The following PRKN variants were observed in gnomAD, a reference collection of about 807,000 sequenced individuals.
PRKN encodes E3 ubiquitin-protein ligase parkin.
In PRKN, 56 loss-of-function variants were observed where a neutral mutation model predicts 59.5. The ratio of observed to expected loss-of-function variants is 0.94; its 90% confidence interval spans 0.76 to 1.18. PRKN has a LOEUF of 1.18. PRKN is among the 50% of genes most tolerant of loss of function. The pLI, the probability that PRKN is intolerant of heterozygous loss-of-function variation, is 0.00. For synonymous variants in PRKN, 250 were observed against 222.1 expected, an observed-to-expected ratio of 1.13 and a Z score of -1.12; for missense variants, 657 against 596.4, an observed-to-expected ratio of 1.10 and a Z score of -1.06.
intron 5 of PRKN, among the ~76,000 whole-genome samples, chr6:162,014,390 A>C (rs1582896636): frequency 6.6e-6 from 1 of 152,150 alleles, no homozygotes; most frequent in East Asian, 1.9e-4. Flanking sequence ...GCCCTGGGCA[A>C]GGCCCTCTTC....
At chr6:162,282,446 A>G (rs2128106707) in intron 2 of PRKN, among the ~76,000 whole-genome samples, 1 of 152,328 alleles carries the variant, frequency 6.6e-6, no homozygotes, top group South Asian at 2.1e-4. Context: ...CTTATGATAA[A>G]CAGCTAATGA....
chr6:162,424,203 A>G lies in PRKN; in HGVS notation c.171+19107T>C, dbSNP rs566884051. 4.1e-4 allele frequency among the ~76,000 whole-genome samples: 62 copies of G among 152,350 alleles called. 2 individuals are homozygous for G. The South Asian group carries it at 0.012, about 30-fold the overall frequency. On this transcript the variant is annotated intron_variant, in intron 2 of 11. Transcript: ENST00000366898. ...CTATAGGACATCCTGGAAAAGGCAC[A>G]GCTATAAAAAGGGTAAACAGATCAG...
At chr6:161,699,621 G>C (rs1394391757) in intron 7 of PRKN, among the ~76,000 whole-genome samples, 2 of 152,106 alleles carry the variant, frequency 1.3e-5, no homozygotes, top group African/African-American at 4.8e-5. Context: ...AAGAGTACAG[G>C]TTGTATTATT....
chr6:161,746,874 A>ATCTATATCTATATATCTATGTATATG (rs1788455062), intron 7 of PRKN, among the ~76,000 whole-genome samples: 1 of 150,076 alleles, frequency 6.7e-6, no homozygotes, highest in Non-Finnish European at 1.5e-5. Flanking sequence ...CTACGTATAT[A>ATCTATATCTATATATCTATGTATATG]TCTATATCTA....
chr6:162,430,285 T>C (rs781630911), intron 2 of PRKN, among the ~76,000 whole-genome samples: 20 of 152,154 alleles, frequency 1.3e-4, no homozygotes, highest in Non-Finnish European at 2.5e-4. Flanking sequence ...TTAACCCTTG[T>C]AGCAACCCCA....
intron 7 of PRKN, among the ~76,000 whole-genome samples, chr6:161,615,041 T>C (rs1001716025): frequency 4.6e-5 from 7 of 151,966 alleles, no homozygotes; most frequent in African/African-American, 1.7e-4. Context: ...TGGAGTCTGA[T>C]AGGTCCTTTG....
At chr6:162,258,242 C>T (rs374343389) in intron 3 of PRKN, among the ~76,000 whole-genome samples, 2 of 152,200 alleles carry the variant, frequency 1.3e-5, no homozygotes, top group Non-Finnish European at 2.9e-5. Context: ...AGAATAGCTC[C>T]GTTGAGGTAG....
chr6:162,478,080 T>C (rs1792115706), intron 1 of PRKN, among the ~76,000 whole-genome samples: 1 of 152,164 alleles, frequency 6.6e-6, no homozygotes, highest in African/African-American at 2.4e-5. Context: ...TGAGATCTTC[T>C]TCCCCTAGTA....
chr6:161,664,239 A>G (rs1044540683), intron 7 of PRKN, among the ~76,000 whole-genome samples: 1 of 152,188 alleles, frequency 6.6e-6, no homozygotes, highest in Non-Finnish European at 1.5e-5. Context: ...TCAGGGAAAA[A>G]TAGAGACACA....
intron 7 of PRKN, among the ~76,000 whole-genome samples, chr6:161,601,202 T>G (rs1295434150): frequency 1.3e-5 from 2 of 152,200 alleles, no homozygotes; most frequent in Non-Finnish European, 2.9e-5. Context: ...CAAAATACCA[T>G]AAACTGGGTA....
At chr6:162,346,796 A>G (rs1164580760) in intron 2 of PRKN, among the ~76,000 whole-genome samples, 1 of 152,170 alleles carries the variant, frequency 6.6e-6, no homozygotes, top group African/African-American at 2.4e-5. Context: ...TTATGTTTAC[A>G]TAACATGACT....
intron 6 of PRKN, among the ~76,000 whole-genome samples, chr6:161,847,527 T>C (rs1030787686): frequency 1.3e-5 from 2 of 152,120 alleles, no homozygotes; most frequent in Non-Finnish European, 2.9e-5. Flanking sequence ...AATAAGAGGA[T>C]TATTGTGCAG....
chr6:161,878,339 G>C (rs944370930), intron 6 of PRKN, among the ~76,000 whole-genome samples: 1 of 151,974 alleles, frequency 6.6e-6, no homozygotes, highest in African/African-American at 2.4e-5. Context: ...ATATAACCAG[G>C]AACTGAATCA....
rs191266461 is a variant in PRKN, at chr6:162,582,723, A to G, written c.8-139250T>C. The stretch of plus-strand genomic sequence containing the variant: ...TTGAATCCCGCATAAGACCTACCAC[A>G]GTGCTAGGTACTCAGTGGGTCTCTA... On this transcript the variant is annotated intron_variant, in intron 1 of 11. Coordinates refer to ENST00000366898, the MANE Select transcript of PRKN (RefSeq NM_004562.3). Among the ~76,000 whole-genome samples the G allele has an allele frequency of 8.5e-5, 13 of 152,314 alleles. No individual in the cohort carries two copies. The East Asian group carries it at 2.3e-3, about 27-fold the overall frequency.
At chr6:162,036,029 A>G (rs1783824421) in intron 5 of PRKN, among the ~76,000 whole-genome samples, 1 of 152,186 alleles carries the variant, frequency 6.6e-6, no homozygotes, top group African/African-American at 2.4e-5. Flanking sequence ...ATAACGCCAT[A>G]AAGAAAACAA....
intron 4 of PRKN, among the ~76,000 whole-genome samples, chr6:162,074,932 AT>A (rs575118601): frequency 6.6e-6 from 1 of 152,072 alleles, no homozygotes; most frequent in African/African-American, 2.4e-5. Flanking sequence ...AACAGCAGTG[AT>A]TTTTTTTGTT....
Position 161,369,247 on chromosome 6 carries a change from A to G in PRKN, c.1168-9042T>C, listed in dbSNP as rs1432350671. ...GGTGCCCACAGGTTCAAGATCACCA[A>G]AGCGATTCTAAAAATGATCCCAAGG... On this transcript the variant is annotated intron_variant, in intron 10 of 11. Coordinates refer to ENST00000366898, the MANE Select transcript of PRKN (RefSeq NM_004562.3). The surrounding 1 kb of genome is among the most constrained non-coding windows in gnomAD (Gnocchi z 5.8). 6.6e-6 allele frequency among the ~76,000 whole-genome samples: 1 copy of G among 152,194 alleles called. No homozygotes were observed. Among genetic ancestry groups the G allele is most frequent in the Non-Finnish European group, 1.5e-5 (1 of 68,042 alleles).
At chr6:161,693,586 AT>A (rs1785893883) in intron 7 of PRKN, among the ~76,000 whole-genome samples, 1 of 152,226 alleles carries the variant, frequency 6.6e-6, no homozygotes, top group African/African-American at 2.4e-5. Flanking sequence ...GAAATAAAGT[AT>A]TAGAAACCCT....
chr6:162,156,500 A>G (rs1782520592), intron 4 of PRKN, among the ~76,000 whole-genome samples: 1 of 152,178 alleles, frequency 6.6e-6, no homozygotes, highest in Non-Finnish European at 1.5e-5. Flanking sequence ...TAAGAGTCCA[A>G]AAGTTGAAGA....
Sources: gnomAD v4.1 joint callset for allele counts (sites outside exome capture counted in the v4.1 genomes callset) on GRCh38, gnomAD v4.1.1 for gene constraint, Gnocchi (gnomAD v3.1) non-coding constraint, MANE v1.5 for transcripts, NCBI Gene and HGNC (gene_info 2026-07-23, HGNC 2026-07-21) for gene names.